SRGAP3: variants seen among roughly 807,000 people sequenced by gnomAD.
The protein encoded by SRGAP3 is SLIT-ROBO Rho GTPase activating protein 3, also known as SLIT-ROBO Rho GTPase-activating protein 3.
In SRGAP3, 39 loss-of-function variants were observed where a neutral mutation model predicts 121.1. The ratio of observed to expected loss-of-function variants is 0.32; its 90% CI spans 0.25 to 0.42. The LOEUF (loss-of-function observed/expected upper bound fraction) is 0.42, where lower values mean the gene tolerates loss of function less well. Among genes scored for constraint, SRGAP3 ranks in the 10% least tolerant of loss-of-function variants. The probability of loss-of-function intolerance (pLI) is 1.00; values close to 1 mark genes in which losing one functional copy is unlikely to be tolerated. For synonymous variants in SRGAP3, 601 were observed against 570.0 expected, an observed-to-expected ratio of 1.05 and a Z score of -0.77; for missense variants, 1,213 against 1,470.6, an observed-to-expected ratio of 0.82 and a Z score of 2.86.
intron 1 of SRGAP3, among the ~76,000 whole-genome samples, chr3:9,220,121 C>T (rs1258390901): frequency 6.6e-6 from 1 of 152,030 alleles, no homozygotes; most frequent in Non-Finnish European, 1.5e-5. Context: ...TTCAAAAGCA[C>T]AATAGGGTGA....
At chr3:9,283,841 G>C (rs894973635) in intron 3 of SRGAP3, among the ~76,000 whole-genome samples, 1 of 152,092 alleles carries the variant, frequency 6.6e-6, no homozygotes, top group Admixed American at 6.6e-5. Flanking sequence ...AATTCTTAAG[G>C]AATTTTGAAA....
chr3:9,163,535 T>C (rs145166787), intron 1 of SRGAP3, among the ~76,000 whole-genome samples: 285 of 152,272 alleles, frequency 1.9e-3, no homozygotes, highest in Non-Finnish European at 2.9e-3. Flanking sequence ...GGGCTAAATT[T>C]AAGCCATGCG....
rs1475396855 is a variant in SRGAP3, at chr3:8,992,979, C to T, written c.2485G>A (p.Ala829Thr). ...GACTGGAGGTCGTTTTTGGAAGAGG[C>T]CTTGTCATCCAGCAATGGCCCACTG... Reference protein sequence around the residue: ...ASSGPLLDDKASSKNDLQSPT... With the variant: ...ASSGPLLDDKTSSKNDLQSPT... Residue 829 changes from alanine to threonine, a missense_variant, in exon 20 of 22, where the codon GCC becomes ACC. Transcript: ENST00000383836. The T allele has an allele frequency of 3.1e-6, 5 of 1,614,104 alleles. No individual in the cohort carries two copies. Among genetic ancestry groups the T allele is most frequent in the African/African-American group, 2.7e-5 (2 of 74,928 alleles).
At chr3:9,112,474 T>C (rs1320881938) in intron 2 of SRGAP3, among the ~76,000 whole-genome samples, 2 of 152,230 alleles carry the variant, frequency 1.3e-5, no homozygotes, top group Non-Finnish European at 2.9e-5. Flanking sequence ...TGAGCCACAC[T>C]TCCCACTTCG....
chr3:9,145,243 A>C (rs1949985695), intron 1 of SRGAP3, among the ~76,000 whole-genome samples: 1 of 152,058 alleles, frequency 6.6e-6, no homozygotes, highest in Non-Finnish European at 1.5e-5. Context: ...TTACAGGCGC[A>C]TGCCACCATG....
chr3:9,067,949 G>A (rs893875142), intron 4 of SRGAP3, among the ~76,000 whole-genome samples: 2 of 152,104 alleles, frequency 1.3e-5, no homozygotes, highest in Non-Finnish European at 2.9e-5. Context: ...ATGTAAAGAA[G>A]AAATAAAATA....
chr3:9,005,768 G>C (rs1485060077), intron 18 of SRGAP3, among the ~76,000 whole-genome samples: 1 of 152,122 alleles, frequency 6.6e-6, no homozygotes, highest in Non-Finnish European at 1.5e-5. Context: ...AAATGTGGGG[G>C]GTAGGGATGG....
intron 1 of SRGAP3, among the ~76,000 whole-genome samples, chr3:9,187,120 A>AC (rs1343560761): frequency 2.8e-5 from 1 of 35,804 alleles, no homozygotes; most frequent in Non-Finnish European, 6.2e-5. Flanking sequence ...CCAGCCCCCC[A>AC]CCCCCCGACA....
chr3:8,981,942 C>T lies in SRGAP3; in HGVS notation c.*3577G>A, dbSNP rs1438471844. On this transcript the variant is annotated 3_prime_UTR_variant, in exon 22 of 22. Transcript: ENST00000383836. ...TCTGTCCGGGGTTCAAAAGGCGCTT[C>T]GAGGTGAGAAATCGTTAGCACTGAA... 8.8e-6 allele frequency: 2 copies of T among 226,680 alleles called. No homozygotes were observed. The highest frequency in any genetic ancestry group is 1.3e-4 in the East Asian group (2 of 15,762). 14.0% of individuals were successfully genotyped at this position (226,680 alleles called of 1,614,324 possible).
intron 8 of SRGAP3, among the ~76,000 whole-genome samples, chr3:9,054,027 A>G (rs1488207465): frequency 1.3e-5 from 2 of 152,214 alleles, no homozygotes; most frequent in Admixed American, 6.5e-5. Flanking sequence ...CCTCCTGGTG[A>G]CATTGGTCCC....
intron 1 of SRGAP3, among the ~76,000 whole-genome samples, chr3:9,138,281 C>G (rs945301657): frequency 3.9e-5 from 6 of 152,298 alleles, no homozygotes; most frequent in African/African-American, 1.4e-4. Context: ...ATAAATGGAA[C>G]CCCCCCCACA....
chr3:9,198,058 T>C (rs995070180), intron 1 of SRGAP3, among the ~76,000 whole-genome samples: 7 of 152,232 alleles, frequency 4.6e-5, no homozygotes, highest in Non-Finnish European at 7.3e-5. Context: ...TTATAGAAAC[T>C]AGTAAACTGT....
At chr3:9,344,158 A>G (rs576464441) in intron 1 of SRGAP3, among the ~76,000 whole-genome samples, 1 of 152,208 alleles carries the variant, frequency 6.6e-6, no homozygotes, top group Non-Finnish European at 1.5e-5. Flanking sequence ...GATCTCTACT[A>G]AAAATACAAA....
At chr3:9,323,100 C>T (rs1955463466) in intron 3 of SRGAP3, among the ~76,000 whole-genome samples, 1 of 151,546 alleles carries the variant, frequency 6.6e-6, no homozygotes, top group Admixed American at 6.6e-5. Flanking sequence ...TCTGTATGTC[C>T]AAAATATGAC....
chr3:9,289,620 C>T (rs1446259496), intron 3 of SRGAP3, among the ~76,000 whole-genome samples: 4 of 152,188 alleles, frequency 2.6e-5, no homozygotes, highest in African/African-American at 4.8e-5. Context: ...ATGTTCAAGA[C>T]AGACAATTGT....
At chr3:9,118,118 T>A (rs2124957923) in intron 2 of SRGAP3, among the ~76,000 whole-genome samples, 1 of 152,136 alleles carries the variant, frequency 6.6e-6, no homozygotes, top group South Asian at 2.1e-4. Flanking sequence ...GGCGACAGGG[T>A]GAGACTCTGT....
intron 1 of SRGAP3, among the ~76,000 whole-genome samples, chr3:9,215,059 TATA>T (rs1200245645): frequency 6.6e-6 from 1 of 152,180 alleles, no homozygotes; most frequent in Admixed American, 6.5e-5. Flanking sequence ...TTACTCTACT[TATA>T]ATATCTTTTA....
intron 2 of SRGAP3, among the ~76,000 whole-genome samples, chr3:9,327,487 G>A (rs1955539611): frequency 1.3e-5 from 2 of 152,146 alleles, no homozygotes; most frequent in Admixed American, 1.3e-4. Context: ...CACCTTGCAT[G>A]TAAACCTATT....
chr3:9,290,778 C>T (rs1294178337), intron 3 of SRGAP3, among the ~76,000 whole-genome samples: 3 of 152,168 alleles, frequency 2.0e-5, no homozygotes, highest in Non-Finnish European at 1.5e-5. Flanking sequence ...ACACTAAACT[C>T]CCAGAGCCGT....
Sources: allele counts gnomAD v4.1 joint callset (sites outside exome capture counted in the v4.1 genomes callset), GRCh38; gene constraint gnomAD v4.1.1; transcripts MANE v1.5; gene names NCBI Gene and HGNC (gene_info 2026-07-23, HGNC 2026-07-21).